Variants in RYR2 observed in about 807,000 individuals in gnomAD.
RYR2 encodes ryanodine receptor 2.
RYR2 carries 227 observed loss-of-function variants against 601.1 expected under a neutral mutation model. That is an observed-to-expected ratio of 0.38 (90% confidence interval 0.34 to 0.42). RYR2 has a LOEUF of 0.42. Ranked by LOEUF, RYR2 falls within the 10% of genes least tolerant of loss-of-function variation. The pLI, the probability that RYR2 is intolerant of heterozygous loss-of-function variation, is 1.00. For missense variants in RYR2, 4,646 were observed against 6,156.5 expected (o/e 0.75, Z 8.21); for synonymous variants, 2,223 against 2,175.1 (o/e 1.02, Z -0.61).
At chr1:237,826,383 G>A (rs1332269261) in intron 101 of RYR2, among the ~76,000 whole-genome samples, 1 of 152,138 alleles carries the variant, frequency 6.6e-6, no homozygotes, top group Middle Eastern at 3.2e-3. Context: ...GATGAAGCTG[G>A]AAACCATCAT....
At chr1:237,256,533 C>A (rs1262562527) in intron 1 of RYR2, among the ~76,000 whole-genome samples, 1 of 152,188 alleles carries the variant, frequency 6.6e-6, no homozygotes, top group Non-Finnish European at 1.5e-5. Flanking sequence ...GACTCCTTCA[C>A]CTTCCTTGGT....
At chr1:237,813,371 A>G (rs1044101147) in intron 100 of RYR2, among the ~76,000 whole-genome samples, 11 of 152,232 alleles carry the variant, frequency 7.2e-5, no homozygotes, top group African/African-American at 2.4e-4. Context: ...CTAAAAATTA[A>G]TAGAAAAATA....
chr1:237,396,644 C>T (rs898464487), intron 10 of RYR2, among the ~76,000 whole-genome samples: 1 of 152,154 alleles, frequency 6.6e-6, no homozygotes, highest in African/African-American at 2.4e-5. Flanking sequence ...GACTCTCAGT[C>T]CCCAAAGACT....
At chr1:237,251,063 T>C (rs899250085) in intron 1 of RYR2, among the ~76,000 whole-genome samples, 3 of 70,266 alleles carry the variant, frequency 4.3e-5, no homozygotes, top group Non-Finnish European at 1.1e-4. Flanking sequence ...TGTGTGTGTG[T>C]ATGCATATAG....
At chr1:237,251,044 G>GTGTGTT (rs1038071476) in intron 1 of RYR2, among the ~76,000 whole-genome samples, 2 of 134,702 alleles carry the variant, frequency 1.5e-5, no homozygotes, top group Non-Finnish European at 3.4e-5. Flanking sequence ...GTGTGTGTGT[G>GTGTGTT]TGTGTGTGTG....
At position 237,152,057 on chromosome 1, in the gene RYR2, A is replaced by G. The variant is rs570058405; in HGVS notation, c.48+109488A>G. Among the ~76,000 whole-genome samples the G allele has an allele frequency of 3.3e-5, 5 of 151,528 alleles. No individual in the cohort carries two copies. In the East Asian group the frequency reaches 5.9e-4, roughly 18 times the overall value. The stretch of plus-strand genomic sequence containing the variant: ...GTGTGTTGTTCCCCTCCCTGCGTCC[A>G]TGTGTTCTCATTGTTCAGCTCCCAC... On this transcript the variant is annotated intron_variant, in intron 1 of 104. Transcript: ENST00000366574.
chr1:237,624,471 G>A (rs1679430339), intron 39 of RYR2, among the ~76,000 whole-genome samples: 1 of 152,138 alleles, frequency 6.6e-6, no homozygotes, highest in African/African-American at 2.4e-5. Flanking sequence ...AGCTCATATT[G>A]CATAGATAAA....
At chr1:237,186,186 G>GT (rs888932136) in intron 1 of RYR2, among the ~76,000 whole-genome samples, 4 of 152,162 alleles carry the variant, frequency 2.6e-5, no homozygotes, top group Non-Finnish European at 5.9e-5. Flanking sequence ...TTAGAAAAAT[G>GT]TTTTTCTCTC....
intron 29 of RYR2, among the ~76,000 whole-genome samples, chr1:237,583,585 G>A (rs1674172824): frequency 6.6e-6 from 1 of 152,120 alleles, no homozygotes; most frequent in Non-Finnish European, 1.5e-5. Context: ...ATCAAAAAAT[G>A]TGAATTTACA....
chr1:237,051,235 T>G (rs2148142413), intron 1 of RYR2, among the ~76,000 whole-genome samples: 1 of 89,968 alleles, frequency 1.1e-5, no homozygotes, highest in African/African-American at 4.6e-5. Context: ...TTCCTCCCCT[T>G]TCCCTCCCCT....
intron 62 of RYR2, 87 bp from the exon 63 acceptor site, chr1:237,687,368 T>TC (rs1235875055): frequency 5.1e-4 from 271 of 533,982 alleles, no homozygotes; most frequent in Admixed American, 6.3e-4. Context: ...TTCTTCTTCT[T>TC]TTTTTTTTTT....
At chr1:237,255,009 A>C (rs2149287883) in intron 1 of RYR2, among the ~76,000 whole-genome samples, 1 of 152,304 alleles carries the variant, frequency 6.6e-6, no homozygotes, top group East Asian at 1.9e-4. Flanking sequence ...GGCCTGTTCT[A>C]CTTTAGGTAT....
chr1:237,542,243 A>G (rs1229027972), intron 25 of RYR2, among the ~76,000 whole-genome samples: 2 of 151,906 alleles, frequency 1.3e-5, no homozygotes, highest in Admixed American at 6.6e-5. Flanking sequence ...GGAGGCATGC[A>G]TCACCACACC....
At chr1:237,293,459 G>A (rs1411062351) in intron 2 of RYR2, among the ~76,000 whole-genome samples, 1 of 152,084 alleles carries the variant, frequency 6.6e-6, no homozygotes, top group Non-Finnish European at 1.5e-5. Context: ...CGCCCACCTT[G>A]GCCTTCCAAA....
At chr1:237,243,172 A>C (rs1686394324) in intron 1 of RYR2, among the ~76,000 whole-genome samples, 1 of 152,150 alleles carries the variant, frequency 6.6e-6, no homozygotes, top group Non-Finnish European at 1.5e-5. Flanking sequence ...TACACCAAGC[A>C]TGAACCCTAG....
rs147899097 is a variant in RYR2 at position 237,710,184 on chromosome 1, A to G, written c.10230+617A>G. Among the ~76,000 whole-genome samples the G allele has an allele frequency of 9.2e-5, 14 of 152,320 alleles. No homozygotes were observed. The East Asian group carries it at 2.7e-3, about 29-fold the overall frequency. Reference sequence around the variant, plus strand: ...AATCATAACAATCGTATAGTAGTCTATCATTATTTCAGTAACTAGCAGAAT... The same window carrying G: ...AATCATAACAATCGTATAGTAGTCTGTCATTATTTCAGTAACTAGCAGAAT... On this transcript the variant is annotated intron_variant, in intron 70 of 104. Transcript: ENST00000366574.
chr1:237,268,906 A>AG (rs1396419166), intron 1 of RYR2, among the ~76,000 whole-genome samples: 2 of 113,838 alleles, frequency 1.8e-5, no homozygotes, highest in Non-Finnish European at 3.3e-5. Flanking sequence ...ACTGCACTCC[A>AG]GCCTGGTGAC....
At chr1:237,823,882 C>G (rs1662797828) in intron 101 of RYR2, among the ~76,000 whole-genome samples, 1 of 152,180 alleles carries the variant, frequency 6.6e-6, no homozygotes, top group South Asian at 2.1e-4. Flanking sequence ...AAACTACCAT[C>G]AGAGAATACT....
intron 17 of RYR2, among the ~76,000 whole-genome samples, chr1:237,483,085 TCTC>T (rs1461575722): frequency 2.0e-5 from 3 of 152,192 alleles, no homozygotes; most frequent in Non-Finnish European, 4.4e-5. Flanking sequence ...TGGTTTAATT[TCTC>T]CTGATTTACT....
Sources: gnomAD v4.1 joint callset for allele counts (sites outside exome capture counted in the v4.1 genomes callset) on GRCh38, gnomAD v4.1.1 for gene constraint, MANE v1.5 for transcripts, NCBI Gene and HGNC (gene_info 2026-07-23, HGNC 2026-07-21) for gene names.